UBE2G2: variants seen among roughly 807,000 people sequenced by gnomAD.
UBE2G2 encodes the protein ubiquitin-conjugating enzyme E2 G2.
A neutral mutation model predicts 23.0 loss-of-function variants in UBE2G2; 10 were observed. The ratio of observed to expected loss-of-function variants is 0.43; its 90% confidence interval spans 0.27 to 0.74. UBE2G2 has a LOEUF of 0.74. UBE2G2 is among the 30% of genes least tolerant of loss of function. The pLI is 0.19. For missense variants in UBE2G2, 150 were observed against 218.3 expected (o/e 0.69, Z 1.97); for synonymous variants, 86 against 81.3 (o/e 1.06, Z -0.31).
chr21:44,795,554 C>A (rs1043823764), intron 1 of UBE2G2, among the ~76,000 whole-genome samples: 2 of 151,852 alleles, frequency 1.3e-5, no homozygotes, highest in African/African-American at 4.8e-5. Context: ...ATTGCTTGAG[C>A]CTAGGAGGCA....
At chr21:44,795,882 G>A (rs1192230235) in intron 1 of UBE2G2, among the ~76,000 whole-genome samples, 1 of 152,162 alleles carries the variant, frequency 6.6e-6, no homozygotes, top group Non-Finnish European at 1.5e-5. Context: ...ACAGGGGGAA[G>A]ATGGCCATGC....
intron 3 of UBE2G2, chr21:44,785,665 CCAAGGAGCAAAGACT>C (rs1555961881): frequency 6.6e-6 from 1 of 152,188 alleles, no homozygotes; most frequent in Non-Finnish European, 1.5e-5. Flanking sequence ...AAACTTATCA[CCAAGGAGCAAAGACT>C]TGGCCAGATG....
At chr21:44,773,392 G>A (rs2082888698) in intron 5 of UBE2G2, among the ~76,000 whole-genome samples, 155 bp downstream of exon 5, 1 of 152,192 alleles carries the variant, frequency 6.6e-6, no homozygotes, top group Non-Finnish European at 1.5e-5. Flanking sequence ...CTTACAATTG[G>A]AAAAGTGTAG....
intron 1 of UBE2G2, 128 bp downstream of exon 1, chr21:44,801,578 G>A (rs2083138444): frequency 1.5e-6 from 2 of 1,294,988 alleles, no homozygotes; most frequent in African/African-American, 3.2e-5. Flanking sequence ...GGGACCCACA[G>A]GGGGGCTCAC....
intron 4 of UBE2G2, among the ~76,000 whole-genome samples, chr21:44,775,887 A>C (rs1186090900): frequency 2.6e-5 from 4 of 152,228 alleles, no homozygotes; most frequent in African/African-American, 9.7e-5. Context: ...CCATGTTATC[A>C]TCTAACTCAG....
At chr21:44,782,695 G>A (rs1449965051) in intron 3 of UBE2G2, among the ~76,000 whole-genome samples, 10 of 152,204 alleles carry the variant, frequency 6.6e-5, no homozygotes, top group Non-Finnish European at 4.4e-5. Flanking sequence ...GGAAAGAACT[G>A]TCTTTTCAAC....
Position 44,777,075 on chromosome 21 carries a change from C to T in UBE2G2, c.244+224G>A, listed in dbSNP as rs1334992203. 5.5e-5 allele frequency: 24 copies of T among 439,590 alleles called. No individual in the cohort carries two copies. In the Admixed American group the frequency reaches 5.9e-4, roughly 11 times the overall value. 27.2% of individuals were successfully genotyped at this position (439,590 alleles called of 1,614,324 possible). ...TAGGGTGGCTGGGTCAAATGGCATC[C>T]GGTTTTAGGTGCCTGTTGTCTTTTA... On this transcript the variant is annotated intron_variant, in intron 4 of 5. Coordinates refer to ENST00000345496, the MANE Select transcript of UBE2G2 (RefSeq NM_003343.6).
chr21:44,796,412 T>G (rs1163048256), intron 1 of UBE2G2, among the ~76,000 whole-genome samples: 1 of 152,188 alleles, frequency 6.6e-6, no homozygotes, highest in Non-Finnish European at 1.5e-5. Flanking sequence ...CAAATTTATC[T>G]AAACCCCTTC....
chr21:44,777,321 G>C lies in UBE2G2; in HGVS notation c.222C>G (p.Thr74=), dbSNP rs782270663. Residue 74 remains threonine, a synonymous_variant, in exon 4 of 6, where the codon ACC becomes ACG. Coordinates refer to ENST00000345496, the MANE Select transcript of UBE2G2 (RefSeq NM_003343.6). The stretch of plus-strand genomic sequence containing the variant: ...TACTGTTGGGATGAAACATCTCACA[G>C]GTAAATCTCATCTTTGGGGGACTTA... The part of the protein sequence containing the change: ...YPLSPPKMRF[T]CEMFHPNIYP... The C allele has an allele frequency of 6.8e-6, 11 of 1,613,986 alleles. No individual in the cohort carries two copies. The highest frequency in any genetic ancestry group is 9.3e-6 in the Non-Finnish European group (11 of 1,179,994).
In UBE2G2 at chr21:44,771,298, A is replaced by G; in HGVS notation, c.*79T>C. On this transcript the variant is annotated 3_prime_UTR_variant, in exon 6 of 6. Coordinates refer to ENST00000345496, the MANE Select transcript of UBE2G2 (RefSeq NM_003343.6). This position sits in a 1 kb window ranked among gnomAD's most constrained non-coding sequence, Gnocchi z 4.6. Reference sequence around the variant, plus strand: ...TCTGCCTTGTTTGGTACCAGCACAGAGCATCACTGTCACTAAGTGTGCCGG... The same window carrying G: ...TCTGCCTTGTTTGGTACCAGCACAGGGCATCACTGTCACTAAGTGTGCCGG... 1.5e-6 allele frequency: 2 copies of G among 1,350,246 alleles called. No individual in the cohort carries two copies. Among genetic ancestry groups the G allele is most frequent in the Non-Finnish European group, 2.1e-6 (2 of 953,326 alleles). The allele number at this position is 1,350,246 out of a possible 1,614,324, so 83.6% of individuals were successfully genotyped here. A position where few individuals can be genotyped will look rare whatever the true frequency, so the allele number is the denominator to read the frequency against.
intron 1 of UBE2G2, among the ~76,000 whole-genome samples, chr21:44,796,182 T>G (rs2083087186): frequency 6.6e-6 from 1 of 152,224 alleles, no homozygotes; most frequent in South Asian, 2.1e-4. Flanking sequence ...AGACAGAACA[T>G]CAAGACAAGA....
Position 44,801,783 on chromosome 21 carries a change from C to G in UBE2G2, c.-35G>C. 2.0e-6 allele frequency: 3 copies of G among 1,506,078 alleles called. No individual in the cohort carries two copies. The highest frequency in any genetic ancestry group is 2.7e-6 in the Non-Finnish European group (3 of 1,130,908). 93.3% of individuals were successfully genotyped at this position (1,506,078 alleles called of 1,614,324 possible). On this transcript the variant is annotated 5_prime_UTR_variant, in exon 1 of 6. Transcript: ENST00000345496. ...ACAGCTGCGCCGAGCGACCTCGCCT[C>G]AGCCGCGCGCGTGCCTCCTGCCCCG...
intron 3 of UBE2G2, among the ~76,000 whole-genome samples, chr21:44,783,096 G>T (rs187885785): frequency 6.6e-6 from 1 of 152,078 alleles, no homozygotes; most frequent in African/African-American, 2.4e-5. Flanking sequence ...GAAAACAACC[G>T]AATATAAAAA....
Position 44,793,624 on chromosome 21 carries a change from TAC to T in UBE2G2, c.44-5531_44-5530del, listed in dbSNP as rs1424260121. 3.3e-5 allele frequency among the ~76,000 whole-genome samples: 5 copies of T among 152,184 alleles called. No individual in the cohort carries two copies. The East Asian group carries it at 9.6e-4, about 29-fold the overall frequency. On this transcript the variant is annotated intron_variant, in intron 1 of 5. Coordinates refer to ENST00000345496, the MANE Select transcript of UBE2G2 (RefSeq NM_003343.6). The stretch of plus-strand genomic sequence containing the variant: ...ATATACACGCGTACACAAAATAATA[TAC>T]AGTTTCATGTTTACTGATAAGAAAC...
intron 3 of UBE2G2, among the ~76,000 whole-genome samples, chr21:44,787,045 T>A (rs1396856260): frequency 6.6e-6 from 1 of 151,408 alleles, no homozygotes; most frequent in African/African-American, 2.4e-5. Context: ...TGAGCCAAGG[T>A]TGTGCCACCG....
rs782511352 is a variant in UBE2G2 at position 44,787,959 on chromosome 21, A to G, written c.86T>C (p.Met29Thr). The G allele has an allele frequency of 1.2e-6, 2 of 1,613,980 alleles. No homozygotes were observed. The highest frequency in any genetic ancestry group is 2.2e-5 in the South Asian group (2 of 91,036). The change falls in exon 3 of 6, where the codon ATG becomes ACG. Residue 29 changes from methionine (M) to threonine (T), a missense_variant. By Grantham distance (81) the Met-to-Thr change is moderately conservative. Transcript: ENST00000345496. ...CCATTCAAAAAAGTTCTCTTCATTC[A>G]TGGGGCCTGTAGGGTGAGAAAAAAT... Reference protein sequence around the residue: ...NPPEGIVAGPMNEENFFEWEA... With the variant: ...NPPEGIVAGPTNEENFFEWEA...
In UBE2G2 at chr21:44,778,981, G is replaced by C. The variant is rs11702743; in HGVS notation, c.126-1564C>G. On this transcript the variant is annotated intron_variant, in intron 3 of 5. Transcript: ENST00000345496. ...AAAAAATATACGTTTTAAATCTTCA[G>C]TTAAAAAATAGATTTCTTAAAAGTA... Among the ~76,000 whole-genome samples the C allele has an allele frequency of 6.6e-3, 1,009 of 152,134 alleles. 4 individuals carry two copies. The highest frequency in any genetic ancestry group is 0.014 in the South Asian group (67 of 4,824).
chr21:44,778,977 T>C (rs1315846535), intron 3 of UBE2G2, among the ~76,000 whole-genome samples: 3 of 152,212 alleles, frequency 2.0e-5, no homozygotes, highest in African/African-American at 7.2e-5. Flanking sequence ...GTTTTAAATC[T>C]TCAGTTAAAA....
At chr21:44,798,983 G>A (rs149296878) in intron 1 of UBE2G2, among the ~76,000 whole-genome samples, 1 of 152,336 alleles carries the variant, frequency 6.6e-6, no homozygotes, top group African/African-American at 2.4e-5. Flanking sequence ...TTGGTGTTGT[G>A]TTAGCAGGCA....
Sources: allele counts gnomAD v4.1 joint callset (sites outside exome capture counted in the v4.1 genomes callset), GRCh38; gene constraint gnomAD v4.1.1; non-coding constraint Gnocchi (gnomAD v3.1); transcripts MANE v1.5; gene names NCBI Gene and HGNC (gene_info 2026-07-23, HGNC 2026-07-21).